SLC14A2: variants seen among roughly 807,000 people sequenced by gnomAD.
The protein encoded by SLC14A2 is urea transporter 2.
A neutral mutation model predicts 104.6 loss-of-function variants in SLC14A2; 91 were observed. The ratio of observed to expected loss-of-function variants is 0.87; its 90% CI spans 0.73 to 1.04. SLC14A2 has a LOEUF of 1.04. SLC14A2 is among the 50% of genes least tolerant of loss of function. The pLI, the probability that SLC14A2 is intolerant of heterozygous loss-of-function variation, is 0.00. For synonymous variants in SLC14A2, 476 were observed against 466.4 expected, an observed-to-expected ratio of 1.02 and a Z score of -0.27; for missense variants, 1,189 against 1,156.0, an observed-to-expected ratio of 1.03 and a Z score of -0.41.
intron 2 of SLC14A2, among the ~76,000 whole-genome samples, chr18:45,520,649 T>A (rs893762242): frequency 6.6e-6 from 1 of 152,100 alleles, no homozygotes; most frequent in African/African-American, 2.4e-5. Context: ...GTATGGCCCA[T>A]GAGACAAGAA....
intron 1 of SLC14A2, among the ~76,000 whole-genome samples, chr18:45,425,100 A>G (rs1025235675): frequency 6.6e-6 from 1 of 152,204 alleles, no homozygotes; most frequent in Admixed American, 6.5e-5. Context: ...CTGCACATCC[A>G]GTTCCCTTTA....
rs144839694 is a variant in SLC14A2, at chr18:45,334,056, T to A, written c.-125+120865T>A. Among the ~76,000 whole-genome samples the A allele has an allele frequency of 2.6e-3, 399 of 152,340 alleles. 2 individuals carry two copies. Among genetic ancestry groups the A allele is most frequent in the African/African-American group, 8.7e-3 (361 of 41,576 alleles). Reference sequence around the variant, plus strand: ...TAAGGTAAAGGGACTATTTCTGGCATCCTATTTGTTCAGCATCCTATTCAA... The same window carrying A: ...TAAGGTAAAGGGACTATTTCTGGCAACCTATTTGTTCAGCATCCTATTCAA... On this transcript the variant is annotated intron_variant, in intron 1 of 20. Coordinates refer to the SLC14A2 transcript ENST00000586448.
chr18:45,189,987 G>A, the SLC14A2 span, among the ~76,000 whole-genome samples: 4 of 152,146 alleles, frequency 2.6e-5, no homozygotes, highest in Non-Finnish European at 5.9e-5. Flanking sequence ...CAAAAGCTGA[G>A]ATGATGGTCC....
the SLC14A2 span, among the ~76,000 whole-genome samples, chr18:45,186,875 C>G: frequency 1.1e-3 from 171 of 152,244 alleles, no homozygotes; most frequent in African/African-American, 3.9e-3. Context: ...AGGGATTGTA[C>G]CATGTTTTTA....
At chr18:45,232,254 G>A (rs1162949625) in intron 1 of SLC14A2, among the ~76,000 whole-genome samples, 3 of 152,142 alleles carry the variant, frequency 2.0e-5, no homozygotes, top group African/African-American at 7.2e-5. Context: ...AAGGTAAAGG[G>A]GAAGCAAGCA....
chr18:45,306,587 A>G (rs2085023919), intron 1 of SLC14A2, among the ~76,000 whole-genome samples: 14 of 152,156 alleles, frequency 9.2e-5, no homozygotes, highest in Admixed American at 9.2e-4. Flanking sequence ...TCCTCATTTG[A>G]TCTTTTCCCA....
At chr18:45,380,728 C>G (rs1485441359) in intron 1 of SLC14A2, among the ~76,000 whole-genome samples, 3 of 152,116 alleles carry the variant, frequency 2.0e-5, no homozygotes, top group Admixed American at 1.3e-4. Flanking sequence ...GGTTTGTATA[C>G]TTTGAGATTG....
chr18:45,414,756 AAATAT>A (rs2086254292), intron 1 of SLC14A2, among the ~76,000 whole-genome samples: 4 of 71,354 alleles, frequency 5.6e-5, no homozygotes, highest in African/African-American at 1.8e-4. Context: ...AAAAAAAAAA[AAATAT>A]ATATATATAT....
intron 1 of SLC14A2, among the ~76,000 whole-genome samples, chr18:45,311,901 G>T (rs2085083046): frequency 6.6e-6 from 1 of 152,216 alleles, no homozygotes; most frequent in South Asian, 2.1e-4. Flanking sequence ...GGAGATGAGA[G>T]CTGTGTCAGA....
At chr18:45,348,863 T>C (rs1237192074) in intron 1 of SLC14A2, among the ~76,000 whole-genome samples, 1 of 152,242 alleles carries the variant, frequency 6.6e-6, no homozygotes, top group Non-Finnish European at 1.5e-5. Context: ...TTCTTTTCTT[T>C]GCATGCAGAC....
At chr18:45,540,526 T>A (rs2043869550) in intron 2 of SLC14A2, among the ~76,000 whole-genome samples, 1 of 152,126 alleles carries the variant, frequency 6.6e-6, no homozygotes, top group Non-Finnish European at 1.5e-5. Context: ...GCAGATTACT[T>A]GAAGTCAGGA....
chr18:45,392,807 T>A (rs911348197), intron 1 of SLC14A2, among the ~76,000 whole-genome samples: 2 of 152,236 alleles, frequency 1.3e-5, no homozygotes, highest in African/African-American at 4.8e-5. Flanking sequence ...ATGTTCTTTT[T>A]AACAAAGTGG....
chr18:45,221,966 A>G (rs950550870), intron 1 of SLC14A2, among the ~76,000 whole-genome samples: 1 of 152,170 alleles, frequency 6.6e-6, no homozygotes, highest in Non-Finnish European at 1.5e-5. Context: ...ATGGTGGATC[A>G]AAAATGAGCA....
chr18:45,482,864 C>T (rs2087522684), intron 1 of SLC14A2, among the ~76,000 whole-genome samples: 1 of 152,110 alleles, frequency 6.6e-6, no homozygotes, highest in Non-Finnish European at 1.5e-5. Flanking sequence ...AATGTGTCCA[C>T]CACAGAGTTG....
At chr18:45,206,746 A>G in the SLC14A2 span, among the ~76,000 whole-genome samples, 1 of 152,202 alleles carries the variant, frequency 6.6e-6, no homozygotes, top group African/African-American at 2.4e-5. Flanking sequence ...GGAGTTCTGC[A>G]ACTCAGGCCT....
At position 45,446,283 on chromosome 18, in the gene SLC14A2, T is replaced by C. The variant is rs111330864; in HGVS notation, c.-124-36950T>C. On this transcript the variant is annotated intron_variant, in intron 1 of 20. Coordinates refer to the SLC14A2 transcript ENST00000586448. ...AAGCCCTAACCCCATATATGATGGG[T>C]TTTGGATTTGGAGCTCTTGTGAGGT... 8.7e-3 allele frequency among the ~76,000 whole-genome samples: 1,277 copies of C among 145,984 alleles called. 22 individuals carry two copies. Among genetic ancestry groups the C allele is most frequent in the African/African-American group, 0.032 (1,219 of 37,608 alleles).
At chr18:45,261,193 G>T (rs1390436463) in intron 1 of SLC14A2, among the ~76,000 whole-genome samples, 1 of 151,364 alleles carries the variant, frequency 6.6e-6, no homozygotes, top group Non-Finnish European at 1.5e-5. Context: ...GCCCCGGTGT[G>T]TGATGTTCGC....
chr18:45,301,960 C>T (rs2084972862), intron 1 of SLC14A2, among the ~76,000 whole-genome samples: 1 of 152,240 alleles, frequency 6.6e-6, no homozygotes, highest in Non-Finnish European at 1.5e-5. Context: ...CCTAGAGTCA[C>T]CTGTCTTTGA....
intron 1 of SLC14A2, among the ~76,000 whole-genome samples, chr18:45,242,831 A>G (rs1416188917): frequency 6.6e-6 from 1 of 152,210 alleles, no homozygotes; most frequent in Non-Finnish European, 1.5e-5. Flanking sequence ...ATATATTTTT[A>G]GCCTATGTTG....
Sources: gnomAD v4.1 joint callset for allele counts (sites outside exome capture counted in the v4.1 genomes callset) on GRCh38, gnomAD v4.1.1 for gene constraint, MANE v1.5 for transcripts, NCBI Gene and HGNC (gene_info 2026-07-23, HGNC 2026-07-21) for gene names.